TGDS: variants seen among roughly 807,000 people sequenced by gnomAD.
TGDS encodes UDP-D-glucose 4,6-dehydratase.
TGDS carries 47 observed loss-of-function variants against 52.3 expected under a neutral mutation model. That is an observed-to-expected ratio of 0.90 (90% confidence interval 0.71 to 1.15). The LOEUF is 1.15. Ranked by LOEUF, TGDS falls within the 50% of genes most tolerant of loss-of-function variation. The pLI, the probability that TGDS is intolerant of heterozygous loss-of-function variation, is 0.00. For missense variants in TGDS, 375 were observed against 418.4 expected, an observed-to-expected ratio of 0.90 and a Z score of 0.90; for synonymous variants, 115 against 136.9, an observed-to-expected ratio of 0.84 and a Z score of 1.12.
chr13:94,577,467 A>C, intron 9 of TGDS, 38 bp from the exon 10 acceptor site: 1 of 1,518,412 alleles, frequency 6.6e-7, no homozygotes. Flanking sequence ...CAAATTATAA[A>C]ATGAGATCAG....
chr13:94,574,726 T>C lies in TGDS; in HGVS notation c.*56A>G. The C allele has an allele frequency of 9.4e-7, 1 of 1,069,352 alleles. No individual in the cohort carries two copies. Among genetic ancestry groups the C allele is most frequent in the Non-Finnish European group, 1.4e-6 (1 of 702,462 alleles). The allele number at this position is 1,069,352 out of a possible 1,614,324, so 66.2% of individuals were successfully genotyped here. ...TTTGGTCACTTAATTTCATACCACTTGGCGAGGTAGGATAACTTTCTTCTT... is the reference window on the plus strand; with the variant it reads ...TTTGGTCACTTAATTTCATACCACTCGGCGAGGTAGGATAACTTTCTTCTT... On this transcript the variant is annotated 3_prime_UTR_variant, in exon 12 of 12. Transcript: ENST00000261296.
chr13:94,594,040 T>A (rs1889293014), intron 1 of TGDS, 133 bp from the exon 2 acceptor site: 4 of 571,310 alleles, frequency 7.0e-6, no homozygotes, highest in Non-Finnish European at 1.2e-5. Context: ...ACAGAAAACA[T>A]AACTACACTA....
chr13:94,588,421 C>CAAAAAAAAAAAAAAA (rs150186125), intron 4 of TGDS, among the ~76,000 whole-genome samples: 4 of 58,490 alleles, frequency 6.8e-5, no homozygotes, highest in African/African-American at 2.8e-4. Context: ...GACTCTGTCT[C>CAAAAAAAAAAAAAAA]AAAAAAAAAA....
At chr13:94,584,402 T>C (rs767837408) in intron 4 of TGDS, among the ~76,000 whole-genome samples, 4 of 152,214 alleles carry the variant, frequency 2.6e-5, no homozygotes, top group Admixed American at 6.5e-5. Context: ...GTAATTAGGA[T>C]GGTGCTGTTG....
chr13:94,586,759 T>C (rs992558150), intron 4 of TGDS, among the ~76,000 whole-genome samples: 39 of 146,714 alleles, frequency 2.7e-4, no homozygotes, highest in African/African-American at 4.8e-4. Context: ...TTATTTTTTT[T>C]TTTTTTTTTT....
chr13:94,583,367 A>C, intron 4 of TGDS, 131 bp from the exon 5 acceptor site: 2 of 874,268 alleles, frequency 2.3e-6, no homozygotes, highest in Non-Finnish European at 3.3e-6. Flanking sequence ...AGTTATAATA[A>C]TAACATACAC....
At chr13:94,590,043 T>C (rs1424407491) in intron 4 of TGDS, among the ~76,000 whole-genome samples, 1 of 151,652 alleles carries the variant, frequency 6.6e-6, no homozygotes, top group Non-Finnish European at 1.5e-5. Flanking sequence ...CTACAGTGTA[T>C]GTGTATATAT....
At chr13:94,596,245 A>G, upstream of TGDS, 4 of 1,246,548 alleles carry the variant, frequency 3.2e-6, no homozygotes, top group African/African-American at 1.5e-5. Flanking sequence ...ACGTTAACAG[A>G]GCAGCCAGAG....
Position 94,578,741 on chromosome 13 carries a change from G to T in TGDS, c.648C>A (p.His216Gln). 2.6e-6 allele frequency: 4 copies of T among 1,532,052 alleles called. No homozygotes were observed. Among genetic ancestry groups the T allele is most frequent in the Non-Finnish European group, 2.7e-6 (3 of 1,110,704 alleles). The allele number at this position is 1,532,052 out of a possible 1,614,324, so 94.9% of individuals were successfully genotyped here. A position where few individuals can be genotyped will look rare whatever the true frequency, so the allele number is the denominator to read the frequency against. The stretch of plus-strand genomic sequence containing the variant: ...TAATAATAACATACCATTTCCTGTT[G>T]TGCTGTAGCAAAGATATAAATTTTG... ...VIPKFISLLQHNRKCCIHGSG... is the reference protein window; with the variant it reads ...VIPKFISLLQQNRKCCIHGSG... The change falls in exon 8 of 12, where the codon CAC becomes CAA. Residue 216 changes from histidine (H) to glutamine (Q), a missense_variant. Physicochemically the swap from His to Gln is conservative, Grantham distance 24. Coordinates refer to ENST00000261296, the MANE Select transcript of TGDS (RefSeq NM_014305.4).
chr13:94,595,992 G>T, intron 1 of TGDS, 59 bp downstream of exon 1: 1 of 1,600,530 alleles, frequency 6.2e-7, no homozygotes, highest in Non-Finnish European at 8.6e-7. Flanking sequence ...AAGCAGAGCT[G>T]CGGGAAAAGG....
intron 7 of TGDS, chr13:94,579,671 C>G: frequency 2.5e-6 from 1 of 404,212 alleles, no homozygotes; most frequent in South Asian, 4.6e-5. Context: ...AAAATCCCTG[C>G]TAAGTGGTGA....
chr13:94,595,987 G>A, intron 1 of TGDS, 64 bp downstream of exon 1: 2 of 1,597,042 alleles, frequency 1.3e-6, no homozygotes, highest in Non-Finnish European at 1.7e-6. Flanking sequence ...AGGGCAAGCA[G>A]AGCTGCGGGA....
chr13:94,590,757 T>G, intron 4 of TGDS, 96 bp downstream of exon 4: 1 of 977,336 alleles, frequency 1.0e-6, no homozygotes, highest in Non-Finnish European at 1.5e-6. Flanking sequence ...GTTTTTCTAG[T>G]ACAGTATGAT....
chr13:94,595,953 C>T (rs1232844865), intron 1 of TGDS, 98 bp downstream of exon 1: 3 of 1,441,146 alleles, frequency 2.1e-6, no homozygotes, highest in Non-Finnish European at 2.9e-6. Context: ...ATAAGGACCC[C>T]TCAAAGCTGG....
chr13:94,583,219 C>T lies in TGDS; in HGVS notation c.331G>A (p.Ala111Thr), dbSNP rs771915710. The T allele has an allele frequency of 1.2e-6, 2 of 1,612,784 alleles. No individual in the cohort carries two copies. The highest frequency in any genetic ancestry group is 1.7e-6 in the Non-Finnish European group (2 of 1,179,670). Residue 111 changes from alanine (A) to threonine (T), a missense_variant, in exon 5 of 12, where the codon GCC becomes ACC. Coordinates refer to ENST00000261296, the MANE Select transcript of TGDS (RefSeq NM_014305.4). ...QTHVDLSFVRAFEFTYVNVYG... is the reference protein window; with the variant it reads ...QTHVDLSFVRTFEFTYVNVYG... ...ACATTAACATAGGTAAACTCAAAGG[C>T]ACGTACGAATGAAAGATCTAAAAGA...
chr13:94,586,640 T>C (rs1227825580), intron 4 of TGDS, among the ~76,000 whole-genome samples: 1 of 152,052 alleles, frequency 6.6e-6, no homozygotes, highest in Non-Finnish European at 1.5e-5. Context: ...GTACGTTATC[T>C]AATCACATAC....
In TGDS at chr13:94,576,429, A is replaced by G; in HGVS notation, c.885-18T>C. ...TGGTGGGTCTTGGAAAACAAAACAGATTTAAAATAATATTGTAGATATATA... is the reference window on the plus strand; with the variant it reads ...TGGTGGGTCTTGGAAAACAAAACAGGTTTAAAATAATATTGTAGATATATA... On this transcript the variant is annotated intron_variant, in intron 10 of 11. Coordinates refer to ENST00000261296, the MANE Select transcript of TGDS (RefSeq NM_014305.4). 4 of 1,493,616 alleles carry G rather than the reference A, an allele frequency of 2.7e-6. No individual in the cohort carries two copies. Among genetic ancestry groups the G allele is most frequent in the Non-Finnish European group, 3.7e-6 (4 of 1,095,458 alleles). The allele number at this position is 1,493,616 out of a possible 1,614,324, so 92.5% of individuals were successfully genotyped here. A position where few individuals can be genotyped will look rare whatever the true frequency, so the allele number is the denominator to read the frequency against.
intron 11 of TGDS, 51 bp from the exon 12 acceptor site, chr13:94,574,903 T>C: frequency 8.1e-7 from 1 of 1,228,314 alleles, no homozygotes; most frequent in Non-Finnish European, 1.1e-6. Context: ...AAAGAAAAAC[T>C]AAACATCAGT....
intron 4 of TGDS, among the ~76,000 whole-genome samples, chr13:94,587,918 A>G (rs1324183737): frequency 9.4e-5 from 14 of 148,378 alleles, no homozygotes; most frequent in Non-Finnish European, 2.1e-4. Context: ...AATGGCATGA[A>G]CCCAGGAGGC....
Sources: allele counts gnomAD v4.1 joint callset (sites outside exome capture counted in the v4.1 genomes callset), GRCh38; gene constraint gnomAD v4.1.1; transcripts MANE v1.5; gene names NCBI Gene and HGNC (gene_info 2026-07-23, HGNC 2026-07-21).